The following RELB variants were observed in gnomAD, a reference collection of about 807,000 sequenced individuals.
The protein encoded by RELB is transcription factor RelB.
In RELB, 14 loss-of-function variants were observed where a neutral mutation model predicts 55.4. That is an observed-to-expected ratio of 0.25 (90% CI 0.17 to 0.40). The LOEUF (loss-of-function observed/expected upper bound fraction) is 0.40. RELB is among the 10% of genes least tolerant of loss of function. RELB has a pLI of 1.00. For synonymous variants in RELB, 409 were observed against 371.3 expected (o/e 1.10, Z -1.17); for missense variants, 669 against 830.7 (o/e 0.81, Z 2.39).
chr19:45,008,501 G>A (rs747505867), intron 2 of RELB: 1 of 456,284 alleles, frequency 2.2e-6, no homozygotes, highest in African/African-American at 2.0e-5. Flanking sequence ...CCCAGTTCAA[G>A]TGACTTGAGG....
Position 45,011,976 on chromosome 19 carries a change from G to A in RELB, c.204G>A (p.Leu68=). 1.3e-6 allele frequency: 2 copies of A among 1,569,070 alleles called. No individual in the cohort carries two copies. Among genetic ancestry groups the A allele is most frequent in the Non-Finnish European group, 8.6e-7 (1 of 1,163,356 alleles). Reference sequence around the variant, plus strand: ...ACATCAAGGAGAACGGCTTCGGCCTGGACGGGGGACAGCCGGGCCCGGGCG... The same window carrying A: ...ACATCAAGGAGAACGGCTTCGGCCTAGACGGGGGACAGCCGGGCCCGGGCG... ...DEYIKENGFG[L]DGGQPGPGEG... Residue 68 remains leucine (L), a synonymous_variant, in exon 4 of 12, where the codon CTG becomes CTA. Coordinates refer to ENST00000221452, the MANE Select transcript of RELB (RefSeq NM_006509.4).
At chr19:45,029,027 G>A (rs768010023) in intron 8 of RELB, 35 bp downstream of exon 8, 55 of 1,475,630 alleles carry the variant, frequency 3.7e-5, no homozygotes, top group South Asian at 2.2e-4. Flanking sequence ...TGGGCAGAGC[G>A]GGGTCTGGCA....
chr19:45,034,889 G>A (rs1600084442), intron 11 of RELB, among the ~76,000 whole-genome samples: 1 of 147,448 alleles, frequency 6.8e-6, no homozygotes, highest in Non-Finnish European at 1.5e-5. Context: ...CGCCCAGACT[G>A]CAGTGCAGTG....
At chr19:45,004,944 C>T (rs1971264716) in intron 2 of RELB, among the ~76,000 whole-genome samples, 1 of 151,902 alleles carries the variant, frequency 6.6e-6, no homozygotes, top group Non-Finnish European at 1.5e-5. Flanking sequence ...TCGAGACAGG[C>T]AGATCACAAG....
intron 4 of RELB, among the ~76,000 whole-genome samples, chr19:45,020,327 GAT>G (rs1971468468): frequency 1.3e-5 from 2 of 150,484 alleles, no homozygotes; most frequent in African/African-American, 4.9e-5. Flanking sequence ...AGGCTTAAGT[GAT>G]CCTCCCACCT....
At chr19:45,001,767 GGGT>G in intron 1 of RELB, 82 bp downstream of exon 1, 1 of 845,328 alleles carries the variant, frequency 1.2e-6, no homozygotes, top group Non-Finnish European at 1.8e-6. Context: ...AGTAGTCTGG[GGGT>G]TCCTATGGGA....
chr19:45,036,759 G>A (rs781754745), intron 11 of RELB, among the ~76,000 whole-genome samples: 1 of 152,128 alleles, frequency 6.6e-6, no homozygotes, highest in Non-Finnish European at 1.5e-5. Context: ...ATACTTCGCT[G>A]CAGCCTCAAA....
At chr19:45,022,380 GA>G (rs1971500453) in intron 5 of RELB, among the ~76,000 whole-genome samples, 170 bp downstream of exon 5, 1 of 152,120 alleles carries the variant, frequency 6.6e-6, no homozygotes, top group Non-Finnish European at 1.5e-5. Flanking sequence ...CTTAGGCCTG[GA>G]GCCTTGCCAC....
At chr19:45,023,556 G>A (rs918767703) in intron 5 of RELB, among the ~76,000 whole-genome samples, 48 of 151,540 alleles carry the variant, frequency 3.2e-4, no homozygotes, top group African/African-American at 9.2e-4. Context: ...TCCTGCCTCA[G>A]CCTCGCAAGT....
At chr19:45,001,786 A>C (rs910657371) in intron 1 of RELB, 101 bp downstream of exon 1, 46 of 703,752 alleles carry the variant, frequency 6.5e-5, no homozygotes, top group Non-Finnish European at 9.3e-5. Flanking sequence ...TGGGAGTCTA[A>C]GGGTTTCGCG....
In RELB at chr19:45,037,676, G is replaced by C. The variant is rs765341414; in HGVS notation, c.1626G>C (p.Pro542=). Reference sequence around the variant, plus strand: ...TGACACTGGACTCGTACCAGGCCCCGGGCCCCGGGGATGGAGGCACCGCCA... The same window carrying C: ...TGACACTGGACTCGTACCAGGCCCCCGGCCCCGGGGATGGAGGCACCGCCA... The part of the protein sequence containing the change: ...EPLTLDSYQA[P]GPGDGGTASL... The change falls in exon 12 of 12, where the codon CCG becomes CCC. Residue 542 remains proline (P), a synonymous_variant. Coordinates refer to ENST00000221452, the MANE Select transcript of RELB (RefSeq NM_006509.4). 10 of 1,567,944 alleles carry C rather than the reference G, an allele frequency of 6.4e-6. No homozygotes were observed. The highest frequency in any genetic ancestry group is 7.8e-6 in the Non-Finnish European group (9 of 1,161,070).
In RELB at chr19:45,025,751, G is replaced by C; in HGVS notation, c.886+14G>C. The C allele has an allele frequency of 6.2e-7, 1 of 1,613,846 alleles. No individual in the cohort carries two copies. Among genetic ancestry groups the C allele is most frequent in the Non-Finnish European group, 8.5e-7 (1 of 1,179,782 alleles). ...TCTATGACAAGAGTGAGTTGAGAGT[G>C]CTGTGGCCGTTAGGATTGCCCTTGG... On this transcript the variant is annotated intron_variant, in intron 7 of 11. Transcript: ENST00000221452.
chr19:45,021,735 G>T (rs35001618), intron 4 of RELB: 4 of 211,218 alleles, frequency 1.9e-5, no homozygotes, highest in Admixed American at 1.7e-4. Context: ...CCACCATGCC[G>T]GGCTAATTTT....
intron 4 of RELB, among the ~76,000 whole-genome samples, chr19:45,020,955 G>A (rs1317608310): frequency 2.6e-5 from 4 of 152,058 alleles, no homozygotes; most frequent in Non-Finnish European, 5.9e-5. Context: ...CAGGCAGATC[G>A]CTTGAGTTCA....
chr19:45,010,760 C>A (rs567870322), intron 3 of RELB, among the ~76,000 whole-genome samples: 5 of 152,286 alleles, frequency 3.3e-5, no homozygotes, highest in African/African-American at 9.6e-5. Flanking sequence ...TCACTGCAAC[C>A]TCCACCTCCC....
chr19:45,008,367 C>A (rs1045112445), intron 2 of RELB: 1 of 455,022 alleles, frequency 2.2e-6, no homozygotes, highest in Non-Finnish European at 4.4e-6. Context: ...GAACCCAGAG[C>A]TCCAGCCACA....
At chr19:45,032,279 C>T (rs534646126) in intron 8 of RELB, 93 of 374,076 alleles carry the variant, frequency 2.5e-4, no homozygotes, top group African/African-American at 1.7e-3. Context: ...ATTAGCCGGG[C>T]GTGGTGGCAT....
intron 7 of RELB, among the ~76,000 whole-genome samples, chr19:45,027,208 G>C (rs1158846863): frequency 6.7e-6 from 1 of 148,930 alleles, no homozygotes; most frequent in Non-Finnish European, 1.5e-5. Flanking sequence ...ACTCCAGCCC[G>C]GGCAACAGAG....
chr19:45,037,820 TGG>T lies in RELB; in HGVS notation c.*33_*34del. 6.8e-7 allele frequency: 1 copy of T among 1,473,538 alleles called. No homozygotes were observed. Among genetic ancestry groups the T allele is most frequent in the Admixed American group, 2.6e-5 (1 of 38,616 alleles). The allele number at this position is 1,473,538 out of a possible 1,614,324, so 91.3% of individuals were successfully genotyped here. On this transcript the variant is annotated 3_prime_UTR_variant, in exon 12 of 12. Transcript: ENST00000221452. ...GCGATGCCAGAGGAGGGGCACTGGGTGGGGAGGGAGGTGGAGGAGCCGTGCAA... is the reference window on the plus strand; with the variant it reads ...GCGATGCCAGAGGAGGGGCACTGGGTGGAGGGAGGTGGAGGAGCCGTGCAA...
Sources: gnomAD v4.1 joint callset for allele counts (sites outside exome capture counted in the v4.1 genomes callset) on GRCh38, gnomAD v4.1.1 for gene constraint, MANE v1.5 for transcripts, NCBI Gene and HGNC (gene_info 2026-07-23, HGNC 2026-07-21) for gene names.